Variants in GRID1 observed in about 807,000 individuals in gnomAD.
The protein encoded by GRID1 is glutamate ionotropic receptor delta type subunit 1, also known as glutamate receptor ionotropic, delta-1.
In GRID1, 28 loss-of-function variants were observed where a neutral mutation model predicts 98.0. That is an observed-to-expected ratio of 0.29 (90% CI 0.21 to 0.39). The LOEUF (loss-of-function observed/expected upper bound fraction) is 0.39. Ranked by LOEUF, GRID1 falls within the 10% of genes least tolerant of loss-of-function variation. The pLI is 1.00. For missense variants in GRID1, 1,111 were observed against 1,340.5 expected (o/e 0.83, Z 2.67); for synonymous variants, 553 against 538.5 (o/e 1.03, Z -0.37).
At chr10:85,607,561 T>A (rs897748453) in intron 15 of GRID1, among the ~76,000 whole-genome samples, 22 of 152,032 alleles carry the variant, frequency 1.4e-4, no homozygotes, top group African/African-American at 5.3e-4. Flanking sequence ...CAGGAGATGG[T>A]GGGCAGTTTT....
intron 12 of GRID1, among the ~76,000 whole-genome samples, chr10:85,661,249 A>G (rs1840962378): frequency 6.6e-6 from 1 of 151,342 alleles, no homozygotes; most frequent in Non-Finnish European, 1.5e-5. Flanking sequence ...CGACATTTAC[A>G]TTCTCTGCTT....
chr10:86,274,901 A>G (rs921645377), intron 2 of GRID1, among the ~76,000 whole-genome samples: 34 of 151,936 alleles, frequency 2.2e-4, no homozygotes, highest in Admixed American at 1.8e-3. Flanking sequence ...AATACCCTTT[A>G]TTTCCTTCTC....
intron 4 of GRID1, among the ~76,000 whole-genome samples, chr10:85,999,335 A>G (rs934862953): frequency 4.6e-5 from 7 of 152,116 alleles, no homozygotes; most frequent in Admixed American, 1.3e-4. Context: ...AAAGTTTTCC[A>G]TAAAAGAAAT....
At chr10:85,886,833 T>C (rs1841124304) in intron 5 of GRID1, among the ~76,000 whole-genome samples, 1 of 152,218 alleles carries the variant, frequency 6.6e-6, no homozygotes, top group South Asian at 2.1e-4. Context: ...AGTAAAATTT[T>C]GGAAAGTTCC....
chr10:86,118,068 C>T (rs1460653326), intron 4 of GRID1, among the ~76,000 whole-genome samples: 1 of 152,084 alleles, frequency 6.6e-6, no homozygotes, highest in African/African-American at 2.4e-5. Flanking sequence ...GCCCAGCAAT[C>T]AACAAGTGAA....
At chr10:85,979,874 T>C (rs1842523254) in intron 4 of GRID1, among the ~76,000 whole-genome samples, 2 of 152,244 alleles carry the variant, frequency 1.3e-5, no homozygotes. Flanking sequence ...TACCTTCATC[T>C]GTTGCCAAAA....
intron 3 of GRID1, among the ~76,000 whole-genome samples, chr10:86,144,507 T>C (rs1159366791): frequency 1.3e-5 from 2 of 152,152 alleles, no homozygotes; most frequent in African/African-American, 4.8e-5. Context: ...TTCTGACACC[T>C]GGCCCTGCTT....
chr10:86,286,315 G>T (rs1246375186), intron 2 of GRID1, among the ~76,000 whole-genome samples: 4 of 152,176 alleles, frequency 2.6e-5, no homozygotes, highest in African/African-American at 9.7e-5. Context: ...TGACCTGAGT[G>T]CTGTGCCTTT....
chr10:86,086,612 G>A (rs973108372), intron 4 of GRID1, among the ~76,000 whole-genome samples: 6 of 152,198 alleles, frequency 3.9e-5, no homozygotes, highest in African/African-American at 1.4e-4. Flanking sequence ...GTGCCTGTGT[G>A]CGCAAGTGTG....
chr10:86,005,117 A>T (rs1842845552), intron 4 of GRID1, among the ~76,000 whole-genome samples: 1 of 152,180 alleles, frequency 6.6e-6, no homozygotes, highest in African/African-American at 2.4e-5. Context: ...CTCTGCTAGC[A>T]ATCAAACACA....
chr10:85,671,075 C>T (rs536518720), intron 12 of GRID1, among the ~76,000 whole-genome samples: 1 of 152,332 alleles, frequency 6.6e-6, no homozygotes, highest in Non-Finnish European at 1.5e-5. Context: ...AGTCTTAGTA[C>T]TCTTTAATCC....
chr10:85,778,730 T>C lies in GRID1; in HGVS notation c.1234-49116A>G, dbSNP rs544398647. 2.0e-5 allele frequency among the ~76,000 whole-genome samples: 3 copies of C among 152,264 alleles called. No individual in the cohort carries two copies. The East Asian group carries it at 5.8e-4, about 29-fold the overall frequency. On this transcript the variant is annotated intron_variant, in intron 8 of 15. Coordinates refer to ENST00000327946, the MANE Select transcript of GRID1 (RefSeq NM_017551.3). ...AGAAACTTCTGAGACAGAAAAAGTA[T>C]ACAAAAAGCCTTCAAAGCTTCTGAG...
At chr10:86,151,860 A>T (rs1039435080) in intron 3 of GRID1, among the ~76,000 whole-genome samples, 12 of 151,384 alleles carry the variant, frequency 7.9e-5, no homozygotes, top group African/African-American at 2.9e-4. Flanking sequence ...ACTGCCCACA[A>T]CTCCCACCCT....
chr10:85,980,994 C>T (rs528422406), intron 4 of GRID1, among the ~76,000 whole-genome samples: 1 of 152,304 alleles, frequency 6.6e-6, no homozygotes, highest in East Asian at 1.9e-4. Flanking sequence ...TCTTGCCTTC[C>T]TCCCAGGTGA....
intron 4 of GRID1, among the ~76,000 whole-genome samples, chr10:85,922,707 C>T (rs963203788): frequency 1.3e-5 from 2 of 152,174 alleles, no homozygotes; most frequent in Non-Finnish European, 2.9e-5. Context: ...CGCAACGCCC[C>T]TCCATTTGCA....
At chr10:85,821,012 T>C (rs1842764829) in intron 8 of GRID1, among the ~76,000 whole-genome samples, 1 of 152,062 alleles carries the variant, frequency 6.6e-6, no homozygotes, top group Non-Finnish European at 1.5e-5. Flanking sequence ...CTAGAAACAA[T>C]GCAAATGCTC....
At chr10:86,001,558 G>A (rs890454454) in intron 4 of GRID1, among the ~76,000 whole-genome samples, 23 of 152,124 alleles carry the variant, frequency 1.5e-4, no homozygotes, top group Non-Finnish European at 2.8e-4. Flanking sequence ...TTTCTTGTTT[G>A]TCAGAGTTTG....
At chr10:85,950,307 G>A (rs959195926) in intron 4 of GRID1, among the ~76,000 whole-genome samples, 68 of 152,296 alleles carry the variant, frequency 4.5e-4, no homozygotes, top group African/African-American at 1.5e-3. Flanking sequence ...AAAGAGACAT[G>A]GTTCCGGAAA....
At chr10:86,344,696 C>G (rs1157662201) in intron 2 of GRID1, among the ~76,000 whole-genome samples, 1 of 152,178 alleles carries the variant, frequency 6.6e-6, no homozygotes, top group Non-Finnish European at 1.5e-5. Context: ...TTAGGTCATT[C>G]TAAGAAGTCT....
Sources: allele counts gnomAD v4.1 joint callset (sites outside exome capture counted in the v4.1 genomes callset), GRCh38; gene constraint gnomAD v4.1.1; transcripts MANE v1.5; gene names NCBI Gene and HGNC (gene_info 2026-07-23, HGNC 2026-07-21).